The following PTBP3 variants were observed in gnomAD, a reference collection of about 807,000 sequenced individuals.
PTBP3 encodes polypyrimidine tract-binding protein 3.
PTBP3 carries 20 observed loss-of-function variants against 58.7 expected under a neutral mutation model. The observed-to-expected ratio is 0.34, with a 90% CI of 0.24 to 0.50. The LOEUF is 0.50. PTBP3 is among the 20% of genes least tolerant of loss of function. The pLI is 0.98. For synonymous variants in PTBP3, 185 were observed against 219.8 expected, an observed-to-expected ratio of 0.84 and a Z score of 1.40; for missense variants, 509 against 637.2, an observed-to-expected ratio of 0.80 and a Z score of 2.17.
chr9:112,265,763 C>T (rs1836775091), intron 4 of PTBP3, among the ~76,000 whole-genome samples: 1 of 152,106 alleles, frequency 6.6e-6, no homozygotes, highest in South Asian at 2.1e-4. Flanking sequence ...GTGTAGAAAA[C>T]TAATATATGA....
rs1830300344 is a variant in PTBP3 at position 112,329,860 on chromosome 9, T to TTG, written c.-52+3609_-52+3610insCA. Among the ~76,000 whole-genome samples, 3 of 150,758 alleles carry TTG rather than the reference T, an allele frequency of 2.0e-5. No homozygotes were observed. The South Asian group carries it at 6.3e-4, about 32-fold the overall frequency. ...CTAGGCTACACTTTTTTTTTTTTTT[T>TTG]TCTGAGACAGTTTCTCACTCCCATT... On this transcript the variant is annotated intron_variant, in intron 1 of 13. Transcript: ENST00000374257.
rs1835378410 is a variant in PTBP3 at position 112,234,813 on chromosome 9, G to A, written c.880+7C>T. 3 of 1,604,818 alleles carry A rather than the reference G, an allele frequency of 1.9e-6. No individual in the cohort carries two copies. The East Asian group carries it at 6.7e-5, about 36-fold the overall frequency. ...AAGTCATTTCAAATCCAACTTAAAA[G>A]AATCACCTGTAGCTTGAGGAAATCC... On this transcript the variant is annotated splice_region_variant and intron_variant, in intron 8 of 13. Coordinates refer to ENST00000374257, the MANE Select transcript of PTBP3 (RefSeq NM_001163788.4).
chr9:112,312,159 G>A (rs754728323), intron 1 of PTBP3, among the ~76,000 whole-genome samples: 40 of 151,990 alleles, frequency 2.6e-4, no homozygotes, highest in South Asian at 8.3e-4. Context: ...CATTGATTAC[G>A]AAAAGAAAAT....
At chr9:112,245,418 A>G (rs148014197) in intron 7 of PTBP3, among the ~76,000 whole-genome samples, 51 of 152,308 alleles carry the variant, frequency 3.3e-4, no homozygotes, top group Admixed American at 5.2e-4. Flanking sequence ...GGCTAATAGG[A>G]ATCACATTTC....
At chr9:112,277,617 G>A (rs1827663912) in intron 2 of PTBP3, among the ~76,000 whole-genome samples, 1 of 151,982 alleles carries the variant, frequency 6.6e-6, no homozygotes, top group African/African-American at 2.4e-5. Flanking sequence ...AGCACTTTGG[G>A]AGGCTGAGGT....
chr9:112,378,084 G>A, the PTBP3 span, among the ~76,000 whole-genome samples: 1 of 144,942 alleles, frequency 6.9e-6, no homozygotes. Flanking sequence ...CCAAAATGAA[G>A]ATCTAATTAT....
At chr9:112,284,263 G>A (rs897955221) in intron 2 of PTBP3, among the ~76,000 whole-genome samples, 8 of 138,622 alleles carry the variant, frequency 5.8e-5, no homozygotes, top group Non-Finnish European at 9.7e-5. Context: ...CCAGCTGCTG[G>A]CATTCAACAC....
intron 1 of PTBP3, among the ~76,000 whole-genome samples, chr9:112,330,770 T>C (rs1238881287): frequency 6.6e-6 from 1 of 152,204 alleles, no homozygotes; most frequent in Non-Finnish European, 1.5e-5. Context: ...TTTACCTCTA[T>C]TTAACAAAGC....
intron 1 of PTBP3, among the ~76,000 whole-genome samples, chr9:112,307,601 C>T (rs2025869): frequency 0.84 from 127,947 of 152,232 alleles, 54,061 homozygotes; most frequent in African/African-American, 0.92. Context: ...AATTTCAGAA[C>T]ATGAAAAACA....
chr9:112,284,937 C>T (rs1051999661), intron 2 of PTBP3, among the ~76,000 whole-genome samples: 1 of 98,018 alleles, frequency 1.0e-5, no homozygotes, highest in Non-Finnish European at 2.0e-5. Context: ...TCAGATTAGA[C>T]TTTGGACTTG....
the PTBP3 span, among the ~76,000 whole-genome samples, chr9:112,363,679 T>C: frequency 6.6e-6 from 1 of 152,226 alleles, no homozygotes; most frequent in African/African-American, 2.4e-5. Flanking sequence ...CAATACCACA[T>C]GGTTTTTGCT....
At chr9:112,246,771 C>T (rs944226822) in intron 7 of PTBP3, among the ~76,000 whole-genome samples, 8 of 151,502 alleles carry the variant, frequency 5.3e-5, no homozygotes, top group Admixed American at 2.0e-4. Flanking sequence ...TCAGTAAATT[C>T]GTTACAAAGG....
chr9:112,373,600 T>G, the PTBP3 span, among the ~76,000 whole-genome samples: 2 of 152,324 alleles, frequency 1.3e-5, no homozygotes, highest in East Asian at 3.9e-4. Flanking sequence ...CTTGTCAACT[T>G]GAACCCATAC....
At chr9:112,242,400 A>T (rs1387229527) in intron 7 of PTBP3, 1 of 58,132 alleles carries the variant, frequency 1.7e-5, no homozygotes, top group Non-Finnish European at 3.0e-5. Flanking sequence ...CAAGCAGCGG[A>T]GCACTAAAAT....
At chr9:112,325,752 G>T (rs988990417) in intron 1 of PTBP3, among the ~76,000 whole-genome samples, 1 of 152,110 alleles carries the variant, frequency 6.6e-6, no homozygotes, top group Non-Finnish European at 1.5e-5. Context: ...GGACAAGCAC[G>T]GTGGCTCATG....
intron 6 of PTBP3, 186 bp downstream of exon 6, chr9:112,252,492 T>G: frequency 1.8e-6 from 1 of 570,364 alleles, no homozygotes; most frequent in East Asian, 3.0e-5. Context: ...GACCGTTTCA[T>G]ATGAAGTAGT....
intron 5 of PTBP3, among the ~76,000 whole-genome samples, chr9:112,256,346 A>G (rs12348494): frequency 0.27 from 39,546 of 145,848 alleles, 6,183 homozygotes; most frequent in South Asian, 0.39. Flanking sequence ...ACTGTACTAT[A>G]TATTTATTTA....
chr9:112,249,851 T>C (rs537826117), intron 7 of PTBP3, among the ~76,000 whole-genome samples: 9 of 151,728 alleles, frequency 5.9e-5, no homozygotes, highest in African/African-American at 9.7e-5. Flanking sequence ...AATATTTCTA[T>C]CATTTGTTAT....
intron 7 of PTBP3, among the ~76,000 whole-genome samples, chr9:112,247,436 G>A (rs969651651): frequency 6.6e-6 from 1 of 151,406 alleles, no homozygotes; most frequent in Non-Finnish European, 1.5e-5. Flanking sequence ...TGTCATAAAA[G>A]ACATTATTTT....
Sources: allele counts gnomAD v4.1 joint callset (sites outside exome capture counted in the v4.1 genomes callset), GRCh38; gene constraint gnomAD v4.1.1; transcripts MANE v1.5; gene names NCBI Gene and HGNC (gene_info 2026-07-23, HGNC 2026-07-21).